COL15A1: variants seen among roughly 807,000 people sequenced by gnomAD.
COL15A1 encodes collagen type XV alpha 1 chain.
A neutral mutation model predicts 165.9 loss-of-function variants in COL15A1; 111 were observed. That is an observed-to-expected ratio of 0.67 (90% CI 0.57 to 0.78). The LOEUF (loss-of-function observed/expected upper bound fraction) is 0.78, where lower values mean the gene tolerates loss of function less well. Among genes scored for constraint, COL15A1 ranks in the 30% least tolerant of loss-of-function variants. The probability of loss-of-function intolerance (pLI) is 0.00; values close to 1 mark genes in which losing one functional copy is unlikely to be tolerated. For synonymous variants in COL15A1, 659 were observed against 674.8 expected, an observed-to-expected ratio of 0.98 and a Z score of 0.36; for missense variants, 1,745 against 1,789.7, an observed-to-expected ratio of 0.98 and a Z score of 0.45.
intron 2 of COL15A1, 148 bp from the exon 3 acceptor site, chr9:98,985,417 C>CA (rs1838291149): frequency 2.5e-6 from 2 of 785,760 alleles, no homozygotes; most frequent in African/African-American, 3.5e-5. Context: ...GGGTCGTTGT[C>CA]AAAACGTTTG....
intron 39 of COL15A1, among the ~76,000 whole-genome samples, chr9:99,064,030 C>T (rs1192308046): frequency 6.6e-6 from 1 of 152,104 alleles, no homozygotes; most frequent in Non-Finnish European, 1.5e-5. Context: ...AACAGCCAGG[C>T]CTGGGACTCT....
intron 2 of COL15A1, among the ~76,000 whole-genome samples, chr9:98,984,668 A>G (rs1410738486): frequency 1.3e-5 from 2 of 152,198 alleles, no homozygotes; most frequent in Non-Finnish European, 2.9e-5. Context: ...AGGCGATGAC[A>G]ATGACGCAAA....
At chr9:99,011,556 T>C (rs2118978191) in intron 9 of COL15A1, among the ~76,000 whole-genome samples, 1 of 152,204 alleles carries the variant, frequency 6.6e-6, no homozygotes, top group Middle Eastern at 3.4e-3. Flanking sequence ...ATTTCCTGAT[T>C]CCCTTCACTT....
At chr9:98,998,398 A>G (rs2118929629) in intron 6 of COL15A1, among the ~76,000 whole-genome samples, 1 of 152,330 alleles carries the variant, frequency 6.6e-6, no homozygotes, top group Middle Eastern at 3.4e-3. Context: ...AAATTGTAGG[A>G]TAATTTAATA....
chr9:99,034,515 A>C, intron 16 of COL15A1, 34 bp from the exon 17 acceptor site: 1 of 1,532,006 alleles, frequency 6.5e-7, no homozygotes, highest in South Asian at 1.2e-5. Context: ...CATATGCATT[A>C]ATTGGTCCAT....
At position 99,056,341 on chromosome 9, in the gene COL15A1, C is replaced by A; in HGVS notation, c.3274C>A (p.Pro1092Thr). 7 of 1,613,830 alleles carry A rather than the reference C, an allele frequency of 4.3e-6. No individual in the cohort carries two copies. The highest frequency in any genetic ancestry group is 5.9e-6 in the Non-Finnish European group (7 of 1,180,020). Residue 1092 changes from proline (P) to threonine (T), a missense_variant, in exon 35 of 42, where the codon CCT (proline) becomes ACT (threonine). By Grantham distance (38) the Pro-to-Thr change is conservative. Transcript: ENST00000375001. ...GLPGPPGFGRPGDPGPPGPPG... is the reference protein window; with the variant it reads ...GLPGPPGFGRTGDPGPPGPPG... ...GCCTGGGCCACCTGGCTTTGGAAGACCTGGTGATCCTGGGCCACCGGGGCC... is the reference window on the plus strand; with the variant it reads ...GCCTGGGCCACCTGGCTTTGGAAGAACTGGTGATCCTGGGCCACCGGGGCC...
At chr9:99,042,137 T>C (rs540400547) in intron 24 of COL15A1, 30 bp downstream of exon 24, 13 of 1,524,292 alleles carry the variant, frequency 8.5e-6, no homozygotes, top group African/African-American at 1.4e-5. Context: ...CTGAGTGAGA[T>C]TGGGCGCTGG....
chr9:99,052,287 A>G (rs1839603134), intron 30 of COL15A1, 101 bp from the exon 31 acceptor site: 2 of 868,884 alleles, frequency 2.3e-6, no homozygotes, highest in African/African-American at 3.3e-5. Flanking sequence ...ACTCTGTGGC[A>G]TTGCCTCTTT....
chr9:98,969,512 C>T (rs934211200), intron 2 of COL15A1, among the ~76,000 whole-genome samples: 2 of 152,210 alleles, frequency 1.3e-5, no homozygotes, highest in East Asian at 3.8e-4. Context: ...AATGTCAGGG[C>T]AGACCAGAAG....
intron 4 of COL15A1, 88 bp from the exon 5 acceptor site, chr9:98,989,086 GGTTT>G: frequency 1.2e-6 from 1 of 818,314 alleles, no homozygotes; most frequent in Non-Finnish European, 2.0e-6. Flanking sequence ...TAGGAGAGTC[GGTTT>G]GTCAGTTTCT....
At chr9:99,042,020 A>C (rs1315337924) in intron 23 of COL15A1, 25 bp from the exon 24 acceptor site, 3 of 1,521,538 alleles carry the variant, frequency 2.0e-6, no homozygotes, top group Non-Finnish European at 1.8e-6. Context: ...CGAACAACCA[A>C]ATACTATATA....
chr9:99,043,157 C>G (rs953123663), intron 24 of COL15A1, among the ~76,000 whole-genome samples: 3 of 151,852 alleles, frequency 2.0e-5, no homozygotes, highest in Non-Finnish European at 4.4e-5. Context: ...TTCTCTCCCC[C>G]CATCATTCTA....
chr9:98,979,415 C>G (rs974564373), intron 2 of COL15A1, among the ~76,000 whole-genome samples: 18 of 152,168 alleles, frequency 1.2e-4, no homozygotes, highest in African/African-American at 4.3e-4. Flanking sequence ...AAAATGGTAT[C>G]CCTTCGTAAT....
rs1329123483 is a variant in COL15A1 at position 99,034,996 on chromosome 9, C to T, written c.2080-18C>T. 6.2e-7 allele frequency: 1 copy of T among 1,608,878 alleles called. No individual in the cohort carries two copies. The highest frequency in any genetic ancestry group is 1.7e-5 in the Admixed American group (1 of 60,010). On this transcript the variant is annotated intron_variant, in intron 17 of 41. Transcript: ENST00000375001. ...GTGAACCCAGGGCTAGATAATCAGC[C>T]TGCCCTCTTTCCTACAGGGTGACCC...
chr9:98,962,149 C>T (rs1172882617), intron 2 of COL15A1, among the ~76,000 whole-genome samples: 1 of 152,226 alleles, frequency 6.6e-6, no homozygotes, highest in Non-Finnish European at 1.5e-5. Context: ...TTTTTTATCT[C>T]TCTCTGGATC....
chr9:99,031,038 C>T (rs942010516), intron 16 of COL15A1, among the ~76,000 whole-genome samples: 4 of 152,168 alleles, frequency 2.6e-5, no homozygotes, highest in East Asian at 1.9e-4. Context: ...AGAGCCTAGT[C>T]GCTGTCACTT....
At chr9:98,992,293 G>A (rs956070578) in intron 5 of COL15A1, among the ~76,000 whole-genome samples, 30 of 152,232 alleles carry the variant, frequency 2.0e-4, no homozygotes, top group African/African-American at 6.5e-4. Context: ...AGAGCAGTGC[G>A]GGCCGGTCGG....
At chr9:98,960,496 T>A (rs1018740350) in intron 2 of COL15A1, among the ~76,000 whole-genome samples, 2 of 152,224 alleles carry the variant, frequency 1.3e-5, no homozygotes, top group African/African-American at 4.8e-5. Context: ...GCATCAGATC[T>A]AGACCCACGG....
At chr9:99,033,939 C>G (rs1296987657) in intron 16 of COL15A1, among the ~76,000 whole-genome samples, 1 of 152,134 alleles carries the variant, frequency 6.6e-6, no homozygotes, top group Non-Finnish European at 1.5e-5. Flanking sequence ...TTGGAGCTCA[C>G]AGCCGACTCC....
Sources: allele counts gnomAD v4.1 joint callset (sites outside exome capture counted in the v4.1 genomes callset), GRCh38; gene constraint gnomAD v4.1.1; transcripts MANE v1.5; gene names NCBI Gene and HGNC (gene_info 2026-07-23, HGNC 2026-07-21).